MAMLD1: variants seen among roughly 807,000 people sequenced by gnomAD.
The protein encoded by MAMLD1 is mastermind-like domain-containing protein 1.
MAMLD1 carries 14 observed loss-of-function variants against 45.0 expected under a neutral mutation model. That is an observed-to-expected ratio of 0.31 (90% CI 0.21 to 0.49). MAMLD1 has a LOEUF of 0.49. Among genes scored for constraint, MAMLD1 ranks in the 20% least tolerant of loss-of-function variants. The pLI is 0.99. For synonymous variants in MAMLD1, 254 were observed against 247.8 expected (o/e 1.02, Z -0.24); for missense variants, 543 against 603.6 (o/e 0.90, Z 1.05).
At position 150,512,455 on chromosome X, in the gene MAMLD1, G is replaced by A. The variant is rs1214795542; in HGVS notation, c.*496G>A. On this transcript the variant is annotated 3_prime_UTR_variant, in exon 8 of 8. Transcript: ENST00000370401. ...CAGCAGCTGTGACCACAGCAGTTTCGGGGAAAACACCCCTCAGCCAAGTGG... is the reference window on the plus strand; with the variant it reads ...CAGCAGCTGTGACCACAGCAGTTTCAGGGAAAACACCCCTCAGCCAAGTGG... 3 of 1,154,689 alleles carry A rather than the reference G, an allele frequency of 2.6e-6. No individual in the cohort carries two copies. Among genetic ancestry groups the A allele is most frequent in the South Asian group, 1.9e-5 (1 of 52,586 alleles).
intron 1 of MAMLD1, among the ~76,000 whole-genome samples, chrX:150,400,568 C>T (rs181934074): frequency 8.9e-6 from 1 of 111,983 alleles, no homozygotes; most frequent in Admixed American, 9.4e-5. Context: ...AGTATTTGCC[C>T]ATTCAGTACG....
chrX:150,403,918 A>G (rs1453819846), intron 1 of MAMLD1, among the ~76,000 whole-genome samples: 1 of 95,260 alleles, frequency 1.0e-5, no homozygotes, highest in Non-Finnish European at 2.1e-5. Flanking sequence ...AAAGAAAAAG[A>G]AAGAAAGACA....
At chrX:150,486,689 T>C (rs2036999766) in intron 5 of MAMLD1, among the ~76,000 whole-genome samples, 1 of 112,048 alleles carries the variant, frequency 8.9e-6, no homozygotes, top group African/African-American at 3.3e-5. Flanking sequence ...CCGGAAACCC[T>C]AGGTGATGTG....
intron 1 of MAMLD1, among the ~76,000 whole-genome samples, chrX:150,400,173 G>T (rs1356011668): frequency 6.3e-5 from 7 of 111,847 alleles, no homozygotes; most frequent in Non-Finnish European, 1.1e-4. Context: ...TCCCTGGGGA[G>T]GTCAGAACTC....
chrX:150,370,116 C>G (rs2031846743), intron 1 of MAMLD1, among the ~76,000 whole-genome samples: 1 of 109,004 alleles, frequency 9.2e-6, no homozygotes, highest in Non-Finnish European at 1.9e-5. Flanking sequence ...TGTGAATAGA[C>G]CAACCCAGAT....
chrX:150,385,436 C>A (rs2032880511), intron 1 of MAMLD1, among the ~76,000 whole-genome samples: 1 of 111,698 alleles, frequency 9.0e-6, no homozygotes, highest in Non-Finnish European at 1.9e-5. Flanking sequence ...GCCTGGAAGC[C>A]TCACCAATAA....
intron 1 of MAMLD1, among the ~76,000 whole-genome samples, chrX:150,395,541 A>G (rs2033380391): frequency 9.0e-6 from 1 of 111,692 alleles, no homozygotes. Flanking sequence ...TGTAGAACTC[A>G]CCAGTGAACC....
At chrX:150,494,460 T>C (rs2037301110) in intron 5 of MAMLD1, among the ~76,000 whole-genome samples, 1 of 112,152 alleles carries the variant, frequency 8.9e-6, no homozygotes, top group Non-Finnish European at 1.9e-5. Flanking sequence ...GGTCAAGAAA[T>C]AGAATATTGA....
At chrX:150,373,634 C>T (rs782158002) in intron 1 of MAMLD1, among the ~76,000 whole-genome samples, 1 of 111,719 alleles carries the variant, frequency 9.0e-6, no homozygotes, top group East Asian at 2.8e-4. Context: ...CCTTTGGCTG[C>T]CAAATCCCGA....
chrX:150,367,588 T>A, intron 1 of MAMLD1, among the ~76,000 whole-genome samples: 1 of 112,124 alleles, frequency 8.9e-6, no homozygotes, highest in African/African-American at 3.3e-5. Context: ...CTTTAAGTTC[T>A]AGGGTACATG....
intron 2 of MAMLD1, among the ~76,000 whole-genome samples, chrX:150,452,742 TCCCTCCC>T (rs1557405121): frequency 1.4e-5 from 1 of 72,487 alleles, no homozygotes; most frequent in African/African-American, 5.4e-5. Flanking sequence ...CCCAATGCTA[TCCCTCCC>T]CCCTCCCCCC....
intron 1 of MAMLD1, among the ~76,000 whole-genome samples, chrX:150,396,178 G>C (rs868948409): frequency 7.9e-5 from 1 of 12,605 alleles, no homozygotes; most frequent in African/African-American, 2.9e-4. Context: ...TTTTTTTTTT[G>C]TGGAGGCTTG....
At chrX:150,401,341 T>C (rs1167212732) in intron 1 of MAMLD1, among the ~76,000 whole-genome samples, 1 of 100,554 alleles carries the variant, frequency 9.9e-6, no homozygotes, top group Admixed American at 1.1e-4. Context: ...GAGAATAAAA[T>C]ACCTAGGAAT....
intron 1 of MAMLD1, among the ~76,000 whole-genome samples, chrX:150,386,587 AT>A (rs1557402051): frequency 9.0e-6 from 1 of 111,663 alleles, no homozygotes; most frequent in Non-Finnish European, 1.9e-5. Context: ...CCAGAAAAAA[AT>A]TTTTTTATTG....
chrX:150,398,168 G>T (rs1356847154), intron 1 of MAMLD1, among the ~76,000 whole-genome samples: 1 of 106,145 alleles, frequency 9.4e-6, no homozygotes, highest in East Asian at 2.9e-4. Context: ...AATATCCATC[G>T]CATTTTGTGA....
At chrX:150,421,282 G>T (rs1005339163) in intron 1 of MAMLD1, among the ~76,000 whole-genome samples, 5 of 112,245 alleles carry the variant, frequency 4.5e-5, no homozygotes, top group African/African-American at 1.6e-4. Flanking sequence ...GCAATGCCTC[G>T]CCCTGCTTCG....
intron 1 of MAMLD1, among the ~76,000 whole-genome samples, chrX:150,404,863 C>G (rs1343985120): frequency 8.9e-6 from 1 of 112,318 alleles, no homozygotes. Context: ...TTCCTTTCTA[C>G]AAATTACTGA....
At chrX:150,381,006 C>G (rs1010317888) in intron 1 of MAMLD1, among the ~76,000 whole-genome samples, 1 of 111,192 alleles carries the variant, frequency 9.0e-6, no homozygotes, top group Non-Finnish European at 1.9e-5. Flanking sequence ...CCATCCCCTT[C>G]CCTTTTTTCA....
At chrX:150,371,355 T>C (rs2099829849) in intron 1 of MAMLD1, among the ~76,000 whole-genome samples, 1 of 111,466 alleles carries the variant, frequency 9.0e-6, no homozygotes, top group Non-Finnish European at 1.9e-5. Context: ...ATCATCTTGT[T>C]GGAAGAGGGC....
Sources: allele counts gnomAD v4.1 joint callset (sites outside exome capture counted in the v4.1 genomes callset), GRCh38; gene constraint gnomAD v4.1.1; transcripts MANE v1.5; gene names NCBI Gene and HGNC (gene_info 2026-07-23, HGNC 2026-07-21).